ARHGEF4: variants seen among roughly 807,000 people sequenced by gnomAD.
ARHGEF4 encodes APC-stimulated guanine nucleotide exchange factor 1.
In ARHGEF4, 119 loss-of-function variants were observed where a neutral mutation model predicts 162.0. That is an observed-to-expected ratio of 0.73 (90% confidence interval 0.63 to 0.86). ARHGEF4 has a LOEUF of 0.86. Among genes scored for constraint, ARHGEF4 ranks in the 40% least tolerant of loss-of-function variants. ARHGEF4 has a pLI of 0.00. For missense variants in ARHGEF4, 2,488 were observed against 2,456.0 expected (o/e 1.01, Z -0.28); for synonymous variants, 1,014 against 979.9 (o/e 1.03, Z -0.65).
intron 4 of ARHGEF4, among the ~76,000 whole-genome samples, chr2:130,966,156 C>T (rs1373548881): frequency 6.6e-6 from 1 of 152,142 alleles, no homozygotes; most frequent in Non-Finnish European, 1.5e-5. Context: ...TTTAAAGTCA[C>T]CTCTTCATCC....
chr2:130,854,434 G>A (rs984065025), intron 1 of ARHGEF4, among the ~76,000 whole-genome samples: 5 of 152,300 alleles, frequency 3.3e-5, no homozygotes, highest in South Asian at 2.1e-4. Context: ...CCAAGAAGAC[G>A]GGGCTGTCAC....
At chr2:130,864,061 C>A (rs1682080063) in intron 1 of ARHGEF4, among the ~76,000 whole-genome samples, 1 of 151,354 alleles carries the variant, frequency 6.6e-6, no homozygotes, top group Non-Finnish European at 1.5e-5. Context: ...TGGCGGGCGC[C>A]TGTAGTCCCA....
chr2:130,920,551 C>G (rs941337489), intron 2 of ARHGEF4, among the ~76,000 whole-genome samples: 1 of 152,120 alleles, frequency 6.6e-6, no homozygotes, highest in African/African-American at 2.4e-5. Context: ...AGAAAGGTTC[C>G]CTCTGTCTGG....
At position 130,980,166 on chromosome 2, in the gene ARHGEF4, G is replaced by A. The variant is rs148938233; in HGVS notation, c.3985+33531G>A. Among the ~76,000 whole-genome samples the A allele has an allele frequency of 6.2e-3, 942 of 152,258 alleles. 7 individuals carry two copies. Among genetic ancestry groups the A allele is most frequent in the African/African-American group, 0.021 (888 of 41,536 alleles). ...ATCCCCAGCAATTTGGGATGCCGAG[G>A]CAGGTGGATCACTTGAGCTCAGGAG... is the stretch of plus-strand genomic sequence containing the variant. On this transcript the variant is annotated intron_variant, in intron 4 of 13. Coordinates refer to ENST00000409359, the MANE Select transcript of ARHGEF4 (RefSeq NM_001367493.1).
intron 4 of ARHGEF4, among the ~76,000 whole-genome samples, chr2:131,024,034 C>T (rs1438225699): frequency 6.6e-6 from 1 of 152,218 alleles, no homozygotes; most frequent in African/African-American, 2.4e-5. Context: ...CAAAAGCCTA[C>T]ATACAGGTTG....
In ARHGEF4 at chr2:130,970,695, G is replaced by A. The variant is rs538336390; in HGVS notation, c.3985+24060G>A. Among the ~76,000 whole-genome samples the A allele has an allele frequency of 5.3e-5, 8 of 151,694 alleles. No individual in the cohort carries two copies. The South Asian group carries it at 8.3e-4, about 16-fold the overall frequency. On this transcript the variant is annotated intron_variant, in intron 4 of 13. Transcript: ENST00000409359. ...CTCCTAATGCTGAGCATCTTTTCATGTGGGTGTTTGGCATATGCATATCTT... is the reference window on the plus strand; with the variant it reads ...CTCCTAATGCTGAGCATCTTTTCATATGGGTGTTTGGCATATGCATATCTT...
chr2:130,921,842 C>T (rs1681892295), intron 2 of ARHGEF4, among the ~76,000 whole-genome samples: 1 of 151,900 alleles, frequency 6.6e-6, no homozygotes, highest in South Asian at 2.1e-4. Context: ...TAGGCGCCTG[C>T]CACCACGCTC....
At chr2:131,022,580 A>G (rs1234703627) in intron 4 of ARHGEF4, among the ~76,000 whole-genome samples, 2 of 151,954 alleles carry the variant, frequency 1.3e-5, no homozygotes, top group Non-Finnish European at 2.9e-5. Context: ...TCTTTTCACA[A>G]ATGATGCCAG....
chr2:130,941,923 TA>T (rs1337465203), intron 3 of ARHGEF4, among the ~76,000 whole-genome samples: 1 of 152,140 alleles, frequency 6.6e-6, no homozygotes, highest in Non-Finnish European at 1.5e-5. Context: ...TTTAAAAAAA[TA>T]AAATGTAATG....
chr2:130,980,893 C>T (rs1196232187), intron 4 of ARHGEF4, among the ~76,000 whole-genome samples: 1 of 152,156 alleles, frequency 6.6e-6, no homozygotes, highest in African/African-American at 2.4e-5. Context: ...AATATTAAAA[C>T]CATGTACCCA....
intron 1 of ARHGEF4, among the ~76,000 whole-genome samples, chr2:130,850,380 C>T (rs1029775808): frequency 1.3e-5 from 2 of 152,200 alleles, no homozygotes; most frequent in African/African-American, 4.8e-5. Context: ...CCCAAGTCTG[C>T]CTAGGCAGCT....
At chr2:130,904,237 T>C (rs571911362) in intron 1 of ARHGEF4, among the ~76,000 whole-genome samples, 2 of 152,328 alleles carry the variant, frequency 1.3e-5, no homozygotes, top group East Asian at 3.9e-4. Context: ...TCTGCTGTCT[T>C]GGTGTTGGCC....
At chr2:130,868,723 A>G (rs1409634012) in intron 1 of ARHGEF4, among the ~76,000 whole-genome samples, 1 of 152,200 alleles carries the variant, frequency 6.6e-6, no homozygotes, top group East Asian at 1.9e-4. Flanking sequence ...GCAACAAGCT[A>G]GTACAAATAT....
At chr2:130,895,560 T>C (rs1048389974) in intron 1 of ARHGEF4, among the ~76,000 whole-genome samples, 5 of 152,224 alleles carry the variant, frequency 3.3e-5, no homozygotes, top group African/African-American at 1.2e-4. Context: ...CAATTCTCAT[T>C]GTGGTTTTCA....
chr2:130,847,745 G>A (rs944945133), intron 1 of ARHGEF4, among the ~76,000 whole-genome samples: 2 of 152,192 alleles, frequency 1.3e-5, no homozygotes, highest in Admixed American at 1.3e-4. Flanking sequence ...AACATCAGGC[G>A]AGGCTTCACA....
At chr2:130,880,945 G>A (rs1679148983) in intron 1 of ARHGEF4, among the ~76,000 whole-genome samples, 1 of 152,038 alleles carries the variant, frequency 6.6e-6, no homozygotes, top group Non-Finnish European at 1.5e-5. Context: ...ATAACAGTAT[G>A]GTATTCAGCA....
intron 11 of ARHGEF4, among the ~76,000 whole-genome samples, chr2:131,044,044 C>CA (rs1378389963): frequency 1.4e-4 from 21 of 152,180 alleles, no homozygotes; most frequent in Non-Finnish European, 2.8e-4. Context: ...CTGTCTTAGT[C>CA]TCCCCACCTC....
At chr2:130,983,810 C>T (rs1414540909) in intron 4 of ARHGEF4, among the ~76,000 whole-genome samples, 4 of 152,020 alleles carry the variant, frequency 2.6e-5, no homozygotes, top group South Asian at 4.1e-4. Flanking sequence ...CCACCACACC[C>T]GGCTAATTTT....
chr2:131,011,209 A>G (rs1367419120), intron 4 of ARHGEF4, among the ~76,000 whole-genome samples: 1 of 152,228 alleles, frequency 6.6e-6, no homozygotes, highest in African/African-American at 2.4e-5. Flanking sequence ...TTTTCTTGAT[A>G]GTAAAACAAA....
Sources: allele counts gnomAD v4.1 joint callset (sites outside exome capture counted in the v4.1 genomes callset), GRCh38; gene constraint gnomAD v4.1.1; transcripts MANE v1.5; gene names NCBI Gene and HGNC (gene_info 2026-07-23, HGNC 2026-07-21).